The following GFI1B variants were observed in gnomAD, a reference collection of about 807,000 sequenced individuals.
GFI1B encodes the protein zinc finger protein Gfi-1b.
Under a neutral mutation model 35.3 loss-of-function variants are expected in GFI1B, and 20 were observed. The observed-to-expected ratio is 0.57, with a 90% CI of 0.40 to 0.82. GFI1B has a LOEUF of 0.82. GFI1B is among the 40% of genes least tolerant of loss of function. The pLI, the probability that GFI1B is intolerant of heterozygous loss-of-function variation, is 0.00. For missense variants in GFI1B, 430 were observed against 446.3 expected, an observed-to-expected ratio of 0.96 and a Z score of 0.33; for synonymous variants, 178 against 177.6, an observed-to-expected ratio of 1.00 and a Z score of -0.02.
chr9:132,948,735 C>T (rs1228754373), intron 1 of GFI1B, among the ~76,000 whole-genome samples: 1 of 152,238 alleles, frequency 6.6e-6, no homozygotes, highest in African/African-American at 2.4e-5. Context: ...TTTCTAGCAC[C>T]GTGTCCTCCA....
intron 1 of GFI1B, among the ~76,000 whole-genome samples, chr9:132,955,847 G>T (rs1848276765): frequency 8.5e-6 from 1 of 117,276 alleles, no homozygotes; most frequent in Admixed American, 8.8e-5. Context: ...TGTGTTTAAG[G>T]AATTGATGCA....
At chr9:132,967,263 T>C (rs1289987216) in intron 1 of GFI1B, among the ~76,000 whole-genome samples, 2 of 152,202 alleles carry the variant, frequency 1.3e-5, no homozygotes, top group Non-Finnish European at 2.9e-5. Flanking sequence ...AAATCTTTTC[T>C]TTATAAGTGA....
intron 1 of GFI1B, among the ~76,000 whole-genome samples, chr9:132,971,218 G>A (rs971032924): frequency 2.0e-5 from 3 of 152,152 alleles, no homozygotes; most frequent in African/African-American, 7.2e-5. Context: ...TGGGGCCCAT[G>A]GGTTTGACAC....
chr9:132,966,982 C>T (rs1229542754), intron 1 of GFI1B, among the ~76,000 whole-genome samples: 1 of 152,162 alleles, frequency 6.6e-6, no homozygotes, highest in African/African-American at 2.4e-5. Flanking sequence ...ATGTCCTCTC[C>T]AAAACTCATT....
chr9:132,970,657 T>G (rs1848520377), intron 1 of GFI1B, among the ~76,000 whole-genome samples: 2 of 152,158 alleles, frequency 1.3e-5, no homozygotes, highest in South Asian at 4.1e-4. Context: ...TTCTTGGTTT[T>G]CCATCATATG....
intron 1 of GFI1B, among the ~76,000 whole-genome samples, chr9:132,963,198 T>G (rs1329112986): frequency 1.3e-5 from 2 of 151,290 alleles, no homozygotes; most frequent in African/African-American, 4.9e-5. Flanking sequence ...AAAAATATTA[T>G]TGGTCAGGCG....
chr9:132,959,596 C>G (rs1288784906), intron 1 of GFI1B, among the ~76,000 whole-genome samples: 1 of 152,230 alleles, frequency 6.6e-6, no homozygotes, highest in Admixed American at 6.5e-5. Flanking sequence ...GCTGCCATAA[C>G]AAGTTACTGC....
chr9:132,946,039 A>G (rs762972659), intron 1 of GFI1B, among the ~76,000 whole-genome samples: 1 of 152,124 alleles, frequency 6.6e-6, no homozygotes, highest in African/African-American at 2.4e-5. Flanking sequence ...GGCCTTGGTG[A>G]GAATTAGAAA....
In GFI1B at chr9:132,989,909, T is replaced by C; in HGVS notation, c.814+2T>C. ...AGAAGCACACCTACATCCACACAGGTGAGTGAGTCTCACCTGCCTGTGCCC... is the reference window on the plus strand; with the variant it reads ...AGAAGCACACCTACATCCACACAGGCGAGTGAGTCTCACCTGCCTGTGCCC... On this transcript the variant is annotated splice_donor_variant, in intron 6 of 6. Transcript: ENST00000372122. LOFTEE classifies it high-confidence loss of function. The surrounding 1 kb of genome is among the most constrained non-coding windows in gnomAD (Gnocchi z 6.2). 6.2e-7 allele frequency: 1 copy of C among 1,613,750 alleles called. No homozygotes were observed. The highest frequency in any genetic ancestry group is 1.3e-5 in the African/African-American group (1 of 74,996).
chr9:132,948,843 A>G (rs555954905), intron 1 of GFI1B, among the ~76,000 whole-genome samples: 1 of 152,278 alleles, frequency 6.6e-6, no homozygotes, highest in African/African-American at 2.4e-5. Flanking sequence ...TGTGCTGGTC[A>G]TTCTCCGTTT....
intron 1 of GFI1B, among the ~76,000 whole-genome samples, chr9:132,956,511 G>A (rs1848285900): frequency 2.0e-5 from 3 of 152,200 alleles, no homozygotes. Context: ...AGAGACTCCA[G>A]GAACCCATGG....
At chr9:132,961,933 T>C (rs970013926) in intron 1 of GFI1B, among the ~76,000 whole-genome samples, 37 of 150,552 alleles carry the variant, frequency 2.5e-4, no homozygotes, top group Non-Finnish European at 8.9e-5. Context: ...GGCAAGGCTG[T>C]GGGAACAAAT....
intron 1 of GFI1B, among the ~76,000 whole-genome samples, chr9:132,959,866 A>T (rs1309960705): frequency 6.6e-6 from 1 of 152,126 alleles, no homozygotes; most frequent in East Asian, 1.9e-4. Flanking sequence ...TCCTCTTCTT[A>T]TGAGACCCCA....
chr9:132,981,006 C>T (rs966702141), intron 1 of GFI1B, among the ~76,000 whole-genome samples: 2 of 152,180 alleles, frequency 1.3e-5, no homozygotes, highest in Non-Finnish European at 2.9e-5. Context: ...AGCGATTCTC[C>T]TGCCTCAGCC....
Position 132,991,212 on chromosome 9 carries a change from T to C in GFI1B, c.*162T>C. 1 of 669,154 alleles carries C rather than the reference T, an allele frequency of 1.5e-6. No individual in the cohort carries two copies. Among genetic ancestry groups the C allele is most frequent in the Non-Finnish European group, 2.6e-6 (1 of 379,570 alleles). 41.5% of individuals were successfully genotyped at this position (669,154 alleles called of 1,614,324 possible). A position where few individuals can be genotyped will look rare whatever the true frequency, so the allele number is the denominator to read the frequency against. ...AAATTGCTGTGTGACCTTGGGCAAG[T>C]CACTTACCCTGTCTGGATCAACATT... On this transcript the variant is annotated 3_prime_UTR_variant, in exon 7 of 7. Coordinates refer to ENST00000372122, the MANE Select transcript of GFI1B (RefSeq NM_001377304.1).
chr9:132,984,962 G>A lies in GFI1B; in HGVS notation c.-20-1697G>A, dbSNP rs184173206. 9.2e-5 allele frequency among the ~76,000 whole-genome samples: 14 copies of A among 152,184 alleles called. No homozygotes were observed. The East Asian group carries it at 1.7e-3, about 19-fold the overall frequency. ...CCTCCCACCCTGCTCCTGGGCCAAG[G>A]CCTTATCACCCAGGCCCTCACTGCT... On this transcript the variant is annotated intron_variant, in intron 1 of 6. Transcript: ENST00000372122.
intron 1 of GFI1B, among the ~76,000 whole-genome samples, chr9:132,961,440 G>GA (rs1197316816): frequency 6.8e-6 from 1 of 147,688 alleles, no homozygotes; most frequent in African/African-American, 2.5e-5. Flanking sequence ...AAAAACAACA[G>GA]AAAAAAGGCA....
chr9:132,993,007 A>AC (rs555728783), downstream of GFI1B, among the ~76,000 whole-genome samples: 92 of 151,506 alleles, frequency 6.1e-4, 1 homozygote, highest in African/African-American at 2.2e-3. Flanking sequence ...TAAAAAAAAA[A>AC]CACAGATATG....
chr9:132,958,058 C>T (rs141232837), intron 1 of GFI1B, among the ~76,000 whole-genome samples: 3 of 152,200 alleles, frequency 2.0e-5, no homozygotes, highest in East Asian at 1.9e-4. Context: ...GGGCAGATCA[C>T]GAGGGGTCAT....
Sources: gnomAD v4.1 joint callset for allele counts (sites outside exome capture counted in the v4.1 genomes callset) on GRCh38, gnomAD v4.1.1 for gene constraint, Gnocchi (gnomAD v3.1) non-coding constraint, MANE v1.5 for transcripts, NCBI Gene and HGNC (gene_info 2026-07-23, HGNC 2026-07-21) for gene names.